SART3: variants seen among roughly 807,000 people sequenced by gnomAD.
SART3 encodes the protein spliceosome associated factor 3, U4/U6 recycling protein, also known as HIV-1 Tat-interacting protein of 110kDa.
SART3 carries 44 observed loss-of-function variants against 122.3 expected under a neutral mutation model. The ratio of observed to expected loss-of-function variants is 0.36; its 90% CI spans 0.28 to 0.46. The LOEUF (loss-of-function observed/expected upper bound fraction) is 0.46. SART3 is among the 20% of genes least tolerant of loss of function. The pLI is 1.00. For synonymous variants in SART3, 442 were observed against 454.0 expected (o/e 0.97, Z 0.34); for missense variants, 1,101 against 1,229.0 (o/e 0.90, Z 1.56).
chr12:108,542,824 A>C, intron 6 of SART3: 1 of 714,450 alleles, frequency 1.4e-6, no homozygotes, highest in Non-Finnish European at 2.4e-6. Flanking sequence ...GAGACTTCTA[A>C]GGTACTGGCA....
intron 1 of SART3, among the ~76,000 whole-genome samples, chr12:108,549,918 G>A (rs370042696): frequency 1.3e-5 from 2 of 150,106 alleles, no homozygotes; most frequent in Non-Finnish European, 3.0e-5. Context: ...TTGGGAGGCT[G>A]AAGTGGATCA....
At chr12:108,554,918 T>A (rs570073569) in intron 1 of SART3, among the ~76,000 whole-genome samples, 7 of 152,244 alleles carry the variant, frequency 4.6e-5, no homozygotes, top group Admixed American at 3.9e-4. Context: ...TAAACAAGAT[T>A]AGCAAAGTGA....
chr12:108,532,564 A>T (rs1872726106), intron 12 of SART3: 2 of 480,818 alleles, frequency 4.2e-6, no homozygotes, highest in Middle Eastern at 6.2e-4. Context: ...GGGCTACTGG[A>T]AAGTGTACCT....
rs34601661 is a variant in SART3, at chr12:108,538,156, G to A, written c.1110C>T (p.Arg370=). 1.5e-3 allele frequency: 2,375 copies of A among 1,614,134 alleles called. 20 individuals carry two copies. In the African/African-American group the frequency reaches 0.027, roughly 19 times the overall value. ...CTGTCCAGGGGCAGTTTCTAATAGC[G>A]CGGTTATGTACAGATAAAACCAAAT... is the stretch of plus-strand genomic sequence containing the variant. The part of the protein sequence containing the change: ...VKDLVLSVHN[R]AIRNCPWTVA... Residue 370 remains arginine, a synonymous_variant, in exon 8 of 19, where the codon CGC becomes CGT. Coordinates refer to ENST00000546815, the MANE Select transcript of SART3 (RefSeq NM_014706.4).
intron 1 of SART3, among the ~76,000 whole-genome samples, chr12:108,555,055 A>T (rs1041751458): frequency 1.3e-5 from 2 of 152,300 alleles, no homozygotes; most frequent in Admixed American, 6.5e-5. Context: ...TTATCAGGGG[A>T]TTGGGAAGGA....
rs772272240 is a variant in SART3, at chr12:108,530,274, C to T, written c.1783G>A (p.Glu595Lys). 1.2e-6 allele frequency: 2 copies of T among 1,614,144 alleles called. No homozygotes were observed. Among genetic ancestry groups the T allele is most frequent in the South Asian group, 2.2e-5 (2 of 91,078 alleles). ...CTTTTCCGTTGTTCAGCCTTTTCTT[C>T]TTCTTGCTGCACAAGGGCTGCTTCC... ...EKEAALVQQE[E>K]EKAEQRKRAR... The change falls in exon 15 of 19, where the codon GAA becomes AAA. Residue 595 changes from glutamate (E) to lysine (K), a missense_variant. Transcript: ENST00000546815.
intron 3 of SART3, among the ~76,000 whole-genome samples, chr12:108,546,680 G>A (rs771582440): frequency 2.6e-5 from 4 of 151,862 alleles, no homozygotes; most frequent in African/African-American, 4.8e-5. Flanking sequence ...ATGCCACCCC[G>A]CCCGGCTAAT....
Position 108,561,139 on chromosome 12 carries a change from C to G in SART3, c.16G>C (p.Glu6Gln), listed in dbSNP as rs2030533213. MATAA[E>Q]TSASEPEAES... The stretch of plus-strand genomic sequence containing the variant: ...GCCTCGGGTTCTGAAGCCGAGGTTT[C>G]GGCCGCAGTCGCCATCTTGCGCTTC... Residue 6 changes from glutamate to glutamine, a missense_variant, in exon 1 of 19, where the codon GAA becomes CAA. By Grantham distance (29) the Glu-to-Gln change is conservative. Coordinates refer to ENST00000546815, the MANE Select transcript of SART3 (RefSeq NM_014706.4). The G allele has an allele frequency of 1.2e-6, 2 of 1,612,984 alleles. No homozygotes were observed. The highest frequency in any genetic ancestry group is 1.7e-6 in the Non-Finnish European group (2 of 1,179,102).
At chr12:108,550,272 G>T (rs532763321) in intron 1 of SART3, among the ~76,000 whole-genome samples, 40 of 152,264 alleles carry the variant, frequency 2.6e-4, no homozygotes, top group African/African-American at 8.4e-4. Flanking sequence ...GAATCCTAAA[G>T]CATCAAAAAG....
intron 1 of SART3, among the ~76,000 whole-genome samples, chr12:108,555,494 G>A (rs758677864): frequency 2.6e-5 from 4 of 152,088 alleles, no homozygotes; most frequent in Non-Finnish European, 4.4e-5. Context: ...GCAAAACCCC[G>A]TCTCTACAAA....
rs1479710257 is a variant in SART3, at chr12:108,523,486, C to G, written c.2863G>C (p.Asp955His). The G allele has an allele frequency of 1.2e-6, 2 of 1,612,728 alleles. No individual in the cohort carries two copies. Among genetic ancestry groups the G allele is most frequent in the Admixed American group, 3.3e-5 (2 of 59,994 alleles). The part of the protein sequence containing the change: ...ATEAPKMSNA[D>H]FAKLFLRK Reference sequence around the variant, plus strand: ...TTTCTCAGAAACAGCTTGGCAAAATCGGCATTGGACATCTTGGGTGCCTCG... The same window carrying G: ...TTTCTCAGAAACAGCTTGGCAAAATGGGCATTGGACATCTTGGGTGCCTCG... The change falls in exon 19 of 19, where the codon GAT becomes CAT. Residue 955 changes from aspartate to histidine, a missense_variant. Coordinates refer to ENST00000546815, the MANE Select transcript of SART3 (RefSeq NM_014706.4).
chr12:108,537,103 G>A (rs920775169), intron 9 of SART3: 2 of 451,266 alleles, frequency 4.4e-6, no homozygotes, highest in East Asian at 9.1e-5. Flanking sequence ...ACATGAGTGT[G>A]CAAGTACAAG....
intron 1 of SART3, among the ~76,000 whole-genome samples, chr12:108,558,059 C>G (rs1331821971): frequency 1.3e-5 from 2 of 152,000 alleles, no homozygotes; most frequent in African/African-American, 4.8e-5. Flanking sequence ...GTCCGAGATA[C>G]TTTGGAGGAT....
chr12:108,536,969 T>C, intron 9 of SART3, 184 bp from the exon 10 acceptor site: 1 of 638,078 alleles, frequency 1.6e-6, no homozygotes. Flanking sequence ...TTGAACAGAA[T>C]AGAGCATGGA....
intron 7 of SART3, among the ~76,000 whole-genome samples, 181 bp downstream of exon 7, chr12:108,538,753 G>A (rs989538073): frequency 6.6e-6 from 1 of 152,196 alleles, no homozygotes; most frequent in Non-Finnish European, 1.5e-5. Flanking sequence ...CTTACAGTTA[G>A]TGACCATTTT....
chr12:108,560,924 C>G lies in SART3; in HGVS notation c.231G>C (p.Glu77Asp). Residue 77 changes from glutamate to aspartate, a missense_variant, in exon 1 of 19, where the codon GAG becomes GAC. Coordinates refer to ENST00000546815, the MANE Select transcript of SART3 (RefSeq NM_014706.4). ...GDEYAMASSA[E>D]SSPGEYEWEY... Reference sequence around the variant, plus strand: ...CCCACTCGTACTCCCCGGGGGAGCTCTCCGCGGAGGAAGCCATGGCGTACT... The same window carrying G: ...CCCACTCGTACTCCCCGGGGGAGCTGTCCGCGGAGGAAGCCATGGCGTACT... 1 of 1,613,992 alleles carries G rather than the reference C, an allele frequency of 6.2e-7. No individual in the cohort carries two copies. Among genetic ancestry groups the G allele is most frequent in the Non-Finnish European group, 8.5e-7 (1 of 1,179,932 alleles).
Position 108,539,091 on chromosome 12 carries a change from T to G in SART3, c.907-2A>C. ...CAGCCTTGGTGCCTCTGCCTGCAAC[T>G]GGAGTACAGGAAAATTGTATTGAAT... is the stretch of plus-strand genomic sequence containing the variant. On this transcript the variant is annotated splice_acceptor_variant, in intron 6 of 18. Transcript: ENST00000546815. LOFTEE classifies it high-confidence loss of function. 3 of 1,614,142 alleles carry G rather than the reference T, an allele frequency of 1.9e-6. No individual in the cohort carries two copies. Among genetic ancestry groups the G allele is most frequent in the Non-Finnish European group, 2.5e-6 (3 of 1,180,008 alleles).
chr12:108,539,899 TA>T (rs1354031265), intron 6 of SART3, among the ~76,000 whole-genome samples: 1 of 152,154 alleles, frequency 6.6e-6, no homozygotes, highest in African/African-American at 2.4e-5. Flanking sequence ...AATATCTTCT[TA>T]AAAGTCATCA....
At chr12:108,535,123 A>T (rs1872846240) in intron 12 of SART3, among the ~76,000 whole-genome samples, 1 of 152,246 alleles carries the variant, frequency 6.6e-6, no homozygotes, top group Non-Finnish European at 1.5e-5. Context: ...ATGCCCAAAA[A>T]TCAAGACAAA....
Sources: gnomAD v4.1 joint callset for allele counts (sites outside exome capture counted in the v4.1 genomes callset) on GRCh38, gnomAD v4.1.1 for gene constraint, MANE v1.5 for transcripts, NCBI Gene and HGNC (gene_info 2026-07-23, HGNC 2026-07-21) for gene names.